The following FAM117B variants were observed in gnomAD, a reference collection of about 807,000 sequenced individuals.
The protein encoded by FAM117B is family with sequence similarity 117 member B.
FAM117B carries 22 observed loss-of-function variants against 52.8 expected under a neutral mutation model. The observed-to-expected ratio is 0.42, with a 90% confidence interval of 0.30 to 0.59. FAM117B has a LOEUF of 0.59. Among genes scored for constraint, FAM117B ranks in the 20% least tolerant of loss-of-function variants. The pLI, the probability that FAM117B is intolerant of heterozygous loss-of-function variation, is 0.22. For missense variants in FAM117B, 678 were observed against 802.6 expected, an observed-to-expected ratio of 0.84 and a Z score of 1.88; for synonymous variants, 309 against 324.1, an observed-to-expected ratio of 0.95 and a Z score of 0.50.
intron 1 of FAM117B, among the ~76,000 whole-genome samples, chr2:202,666,193 T>C (rs1434868524): frequency 6.6e-6 from 1 of 151,966 alleles, no homozygotes; most frequent in African/African-American, 2.4e-5. Context: ...TCTGATATAG[T>C]CAAAAGCAGA....
At chr2:202,724,514 G>A (rs2105786881) in intron 2 of FAM117B, among the ~76,000 whole-genome samples, 2 of 152,312 alleles carry the variant, frequency 1.3e-5, no homozygotes, top group South Asian at 4.1e-4. Flanking sequence ...TGAAAGCACA[G>A]TGCCTAGCAC....
chr2:202,742,270 G>C (rs998676325), intron 4 of FAM117B, among the ~76,000 whole-genome samples: 1 of 152,146 alleles, frequency 6.6e-6, no homozygotes, highest in Non-Finnish European at 1.5e-5. Flanking sequence ...AACTATGAGG[G>C]CAGCTAGCGT....
intron 4 of FAM117B, among the ~76,000 whole-genome samples, chr2:202,743,280 C>T (rs1691577608): frequency 6.6e-6 from 1 of 152,152 alleles, no homozygotes; most frequent in South Asian, 2.1e-4. Context: ...CTCAGAGACA[C>T]CACTGTTGCT....
chr2:202,751,317 A>G (rs971068091), intron 4 of FAM117B, among the ~76,000 whole-genome samples: 1 of 152,144 alleles, frequency 6.6e-6, no homozygotes, highest in African/African-American at 2.4e-5. Flanking sequence ...CCAGTACTTG[A>G]TTTATGACAT....
At chr2:202,730,666 TAAAC>T (rs941093798) in intron 4 of FAM117B, among the ~76,000 whole-genome samples, 3 of 152,030 alleles carry the variant, frequency 2.0e-5, no homozygotes, top group Admixed American at 6.6e-5. Flanking sequence ...GTTCTCTAAA[TAAAC>T]AAACAAACAA....
chr2:202,685,369 C>T (rs1039140188), intron 1 of FAM117B, among the ~76,000 whole-genome samples: 3 of 152,090 alleles, frequency 2.0e-5, no homozygotes, highest in Admixed American at 1.3e-4. Flanking sequence ...TAGGACTAGA[C>T]GTCAACCTTC....
At chr2:202,681,854 A>G (rs1690467240) in intron 1 of FAM117B, among the ~76,000 whole-genome samples, 1 of 152,222 alleles carries the variant, frequency 6.6e-6, no homozygotes, top group Non-Finnish European at 1.5e-5. Context: ...TATATGGCCC[A>G]GTGTGAGAAC....
At chr2:202,686,520 G>A (rs984097139) in intron 1 of FAM117B, among the ~76,000 whole-genome samples, 5 of 152,202 alleles carry the variant, frequency 3.3e-5, no homozygotes, top group African/African-American at 1.2e-4. Context: ...CCCATCGGTA[G>A]GCTATTAGAG....
In FAM117B at chr2:202,676,526, T is replaced by C. The variant is rs1352849914; in HGVS notation, c.602-19355T>C. Among the ~76,000 whole-genome samples the C allele has an allele frequency of 2.0e-5, 3 of 151,860 alleles. No homozygotes were observed. The South Asian group carries it at 6.3e-4, about 32-fold the overall frequency. On this transcript the variant is annotated intron_variant, in intron 1 of 7. Transcript: ENST00000392238. ...TCCTGAGTAGCTGGGATTACAGGCATGCGCCACCACACCTGGCTAATTTTT... is the reference window on the plus strand; with the variant it reads ...TCCTGAGTAGCTGGGATTACAGGCACGCGCCACCACACCTGGCTAATTTTT...
At chr2:202,640,059 C>G (rs1380935493) in intron 1 of FAM117B, among the ~76,000 whole-genome samples, 2 of 151,720 alleles carry the variant, frequency 1.3e-5, no homozygotes, top group East Asian at 3.9e-4. Flanking sequence ...GACCTGAGGT[C>G]AGGAGTTCGA....
intron 4 of FAM117B, among the ~76,000 whole-genome samples, chr2:202,753,784 C>G (rs568855457): frequency 1.8e-4 from 27 of 151,872 alleles, no homozygotes; most frequent in African/African-American, 6.3e-4. Flanking sequence ...AACTCAACAT[C>G]ACTGATCATC....
At chr2:202,638,077 C>T (rs549744490) in intron 1 of FAM117B, among the ~76,000 whole-genome samples, 4 of 152,190 alleles carry the variant, frequency 2.6e-5, no homozygotes, top group African/African-American at 9.6e-5. Flanking sequence ...GGTTTCTCCA[C>T]ATTCGTCAGG....
chr2:202,635,342 G>T lies in FAM117B; in HGVS notation c.155G>T (p.Gly52Val). Reference protein sequence around the residue: ...QLKQQQQQQHGSPTRSGGGGG... With the variant: ...QLKQQQQQQHVSPTRSGGGGG... ...AAGCAGCAGCAGCAGCAGCAACATG[G>T]CAGCCCCACGCGGAGCGGCGGCGGC... The change falls in exon 1 of 8, where the codon GGC (glycine) becomes GTC (valine). Residue 52 changes from glycine (G) to valine (V), a missense_variant. Gly to Val is a moderately radical substitution (Grantham distance 109). Coordinates refer to ENST00000392238, the MANE Select transcript of FAM117B (RefSeq NM_173511.4). The T allele has an allele frequency of 1.4e-6, 2 of 1,383,378 alleles. No individual in the cohort carries two copies. Among genetic ancestry groups the T allele is most frequent in the Non-Finnish European group, 1.9e-6 (2 of 1,067,712 alleles). 85.7% of individuals were successfully genotyped at this position (1,383,378 alleles called of 1,614,324 possible).
Position 202,635,214 on chromosome 2 carries a change from GTCCCCCACGCCGGCCGGC to G in FAM117B, c.32_49del (p.Pro11_Ser16del). ...TGTCCCAGCGGGTGAGGCGCAATGG[GTCCCCCACGCCGGCCGGC>G]TCCCTTGGGGGTGGTGCGGTGGCCA... On this transcript the variant is annotated inframe_deletion, in exon 1 of 8. Coordinates refer to ENST00000392238, the MANE Select transcript of FAM117B (RefSeq NM_173511.4). The G allele has an allele frequency of 7.7e-7, 1 of 1,301,248 alleles. No homozygotes were observed. The highest frequency in any genetic ancestry group is 2.2e-5 in the South Asian group (1 of 46,144). The allele number at this position is 1,301,248 out of a possible 1,614,324, so 80.6% of individuals were successfully genotyped here. A position where few individuals can be genotyped will look rare whatever the true frequency, so the allele number is the denominator to read the frequency against.
rs528393641 is a variant in FAM117B, at chr2:202,730,392, G to A, written c.960+4029G>A. Among the ~76,000 whole-genome samples the A allele has an allele frequency of 1.1e-3, 169 of 152,204 alleles. 2 individuals carry two copies. Among genetic ancestry groups the A allele is most frequent in the African/African-American group, 2.9e-3 (119 of 41,534 alleles). ...AACTTTTAAAATATGATTTAAGGCC[G>A]GCCGTGGTGGTTCACGCCTGTAATC... is the stretch of plus-strand genomic sequence containing the variant. On this transcript the variant is annotated intron_variant, in intron 4 of 7. Transcript: ENST00000392238.
intron 7 of FAM117B, among the ~76,000 whole-genome samples, chr2:202,764,736 C>T (rs1392831395): frequency 6.6e-6 from 1 of 152,116 alleles, no homozygotes; most frequent in African/African-American, 2.4e-5. Context: ...TCTTTTTCAA[C>T]AATTTGGGTT....
chr2:202,743,785 A>C (rs1691587265), intron 4 of FAM117B, among the ~76,000 whole-genome samples: 1 of 152,220 alleles, frequency 6.6e-6, no homozygotes, highest in South Asian at 2.1e-4. Context: ...AGATCAAGCA[A>C]AAGAAAGAAT....
intron 7 of FAM117B, among the ~76,000 whole-genome samples, chr2:202,762,759 T>C (rs1691913533): frequency 6.6e-6 from 1 of 152,100 alleles, no homozygotes; most frequent in African/African-American, 2.4e-5. Context: ...GTGATTCTTC[T>C]TGGTGGGCTG....
chr2:202,718,833 CTG>C (rs1235352486), intron 2 of FAM117B, among the ~76,000 whole-genome samples: 3 of 152,264 alleles, frequency 2.0e-5, no homozygotes, highest in Admixed American at 2.0e-4. Flanking sequence ...TTCCATAAAA[CTG>C]TGCCTACCGA....
Sources: gnomAD v4.1 joint callset for allele counts (sites outside exome capture counted in the v4.1 genomes callset) on GRCh38, gnomAD v4.1.1 for gene constraint, MANE v1.5 for transcripts, NCBI Gene and HGNC (gene_info 2026-07-23, HGNC 2026-07-21) for gene names.